The following ABCE1 variants were observed in gnomAD, a reference collection of about 807,000 sequenced individuals.
ABCE1 encodes ATP-binding cassette sub-family E member 1.
In ABCE1, 22 loss-of-function variants were observed where a neutral mutation model predicts 83.4. That is an observed-to-expected ratio of 0.26 (90% CI 0.19 to 0.38). ABCE1 has a LOEUF of 0.38. ABCE1 is among the 10% of genes least tolerant of loss of function. The pLI is 1.00. For synonymous variants in ABCE1, 204 were observed against 233.7 expected (o/e 0.87, Z 1.16); for missense variants, 330 against 721.9 (o/e 0.46, Z 6.22).
chr4:145,121,302 T>A, intron 12 of ABCE1, 31 bp from the exon 13 acceptor site: 1 of 1,612,728 alleles, frequency 6.2e-7, no homozygotes, highest in South Asian at 1.1e-5. Flanking sequence ...TGGGCAGTTT[T>A]TAGTGTCTTA....
intron 9 of ABCE1, among the ~76,000 whole-genome samples, chr4:145,115,502 T>C (rs992574110): frequency 3.0e-4 from 46 of 151,946 alleles, no homozygotes; most frequent in Admixed American, 3.3e-4. Context: ...TCCCTTTTCA[T>C]CTTAGACCTG....
At chr4:145,100,333 G>T (rs1478045985) in intron 1 of ABCE1, among the ~76,000 whole-genome samples, 1 of 152,174 alleles carries the variant, frequency 6.6e-6, no homozygotes, top group Non-Finnish European at 1.5e-5. Context: ...GGACACCATA[G>T]CAAGATCCCT....
At chr4:145,113,290 GC>G (rs1224897805) in intron 9 of ABCE1, among the ~76,000 whole-genome samples, 1 of 152,202 alleles carries the variant, frequency 6.6e-6, no homozygotes, top group Non-Finnish European at 1.5e-5. Context: ...TGTCAAGAAA[GC>G]AAATATCTAT....
intron 3 of ABCE1, among the ~76,000 whole-genome samples, chr4:145,107,500 C>G (rs728674): frequency 6.6e-6 from 1 of 152,098 alleles, no homozygotes; most frequent in Non-Finnish European, 1.5e-5. Flanking sequence ...AACAAAAAAC[C>G]TCAAGTTCTA....
intron 13 of ABCE1, chr4:145,121,609 C>T (rs1411176336): frequency 6.8e-6 from 3 of 442,818 alleles, no homozygotes; most frequent in Non-Finnish European, 1.2e-5. Context: ...TGCAGTAGCT[C>T]ACGCCTGTAA....
chr4:145,110,279 G>C, intron 6 of ABCE1, 39 bp downstream of exon 6: 1 of 1,597,224 alleles, frequency 6.3e-7, no homozygotes. Flanking sequence ...GATATTAGTA[G>C]AAGTATAAAA....
At chr4:145,104,231 T>C (rs1749234206) in intron 1 of ABCE1, among the ~76,000 whole-genome samples, 155 bp from the exon 2 acceptor site, 1 of 152,166 alleles carries the variant, frequency 6.6e-6, no homozygotes. Flanking sequence ...TTATAGATTA[T>C]TTTACAATTT....
chr4:145,126,629 G>A (rs1187449085), intron 17 of ABCE1, among the ~76,000 whole-genome samples: 1 of 152,106 alleles, frequency 6.6e-6, no homozygotes, highest in East Asian at 1.9e-4. Context: ...GTGCCTCAAA[G>A]TGTTTACATT....
chr4:145,107,964 GT>G, intron 3 of ABCE1, 50 bp from the exon 4 acceptor site: 1 of 1,401,752 alleles, frequency 7.1e-7, no homozygotes, highest in Non-Finnish European at 9.9e-7. Context: ...TTAGTTATGT[GT>G]ATATGTCTAC....
chr4:145,104,032 C>T (rs1050467810), intron 1 of ABCE1, among the ~76,000 whole-genome samples: 6 of 151,986 alleles, frequency 3.9e-5, no homozygotes, highest in Non-Finnish European at 5.9e-5. Flanking sequence ...ACTGAGATAG[C>T]ATGTCATTTG....
chr4:145,122,959 A>C (rs1005862012), intron 13 of ABCE1, 62 bp from the exon 14 acceptor site: 8 of 1,175,034 alleles, frequency 6.8e-6, no homozygotes, highest in Non-Finnish European at 9.6e-6. Flanking sequence ...GTCAAGATTC[A>C]TAAATAGAAG....
At chr4:145,112,577 G>A (rs183911482) in intron 9 of ABCE1, among the ~76,000 whole-genome samples, 1 of 152,246 alleles carries the variant, frequency 6.6e-6, no homozygotes, top group East Asian at 1.9e-4. Context: ...TAGCTTTATA[G>A]GAAGCAGACC....
At chr4:145,125,914 G>A (rs1217666479) in intron 17 of ABCE1, among the ~76,000 whole-genome samples, 5 of 151,770 alleles carry the variant, frequency 3.3e-5, no homozygotes, top group Non-Finnish European at 7.4e-5. Context: ...GGTGGCATGC[G>A]CCTGTAATCC....
At chr4:145,114,327 A>G (rs1482902088) in intron 9 of ABCE1, among the ~76,000 whole-genome samples, 1 of 152,172 alleles carries the variant, frequency 6.6e-6, no homozygotes, top group African/African-American at 2.4e-5. Context: ...AAAGGAATAC[A>G]CAAAGTCAGG....
rs1749278779 is a variant in ABCE1 at position 145,105,548 on chromosome 4, G to T, written c.104-57G>T. On this transcript the variant is annotated intron_variant, in intron 2 of 17. Coordinates refer to ENST00000296577, the MANE Select transcript of ABCE1 (RefSeq NM_002940.3). ...GAACCAGCATTGCCTAAATAACAGT[G>T]TTCGGAAAATTAGAAGATCAAAGGA... 1.2e-5 allele frequency: 16 copies of T among 1,308,772 alleles called. 1 individual carries two copies. In the South Asian group the frequency reaches 2.0e-4, roughly 17 times the overall value. 81.1% of individuals were successfully genotyped at this position (1,308,772 alleles called of 1,614,324 possible). A position where few individuals can be genotyped will look rare whatever the true frequency, so the allele number is the denominator to read the frequency against.
At chr4:145,111,115 C>A in intron 8 of ABCE1, 51 bp downstream of exon 8, 2 of 1,220,154 alleles carry the variant, frequency 1.6e-6, no homozygotes, top group Non-Finnish European at 2.4e-6. Flanking sequence ...GTAGAGTTTT[C>A]AGTTGTGATG....
chr4:145,124,971 AT>A lies in ABCE1; in HGVS notation c.1641-8del, dbSNP rs4148246. The A allele has an allele frequency of 0.022, 22,464 of 1,012,936 alleles. 1 individual carries two copies. Among genetic ancestry groups the A allele is most frequent in the South Asian group, 0.028 (1,500 of 53,430 alleles). The allele number at this position is 1,012,936 out of a possible 1,614,324, so 62.7% of individuals were successfully genotyped here. ...CTGAAGTAAAATTTAATCAAAATTGATTTTTTTTTTTCTCTTAGTCCTCAAA... is the reference window on the plus strand; with the variant it reads ...CTGAAGTAAAATTTAATCAAAATTGATTTTTTTTTTCTCTTAGTCCTCAAA... On this transcript the variant is annotated intron_variant, in intron 16 of 17. Coordinates refer to ENST00000296577, the MANE Select transcript of ABCE1 (RefSeq NM_002940.3).
chr4:145,126,143 T>C (rs994589628), intron 17 of ABCE1, among the ~76,000 whole-genome samples: 1 of 152,208 alleles, frequency 6.6e-6, no homozygotes, highest in Non-Finnish European at 1.5e-5. Context: ...ACAATGTTTT[T>C]TGTCTTTGTA....
intron 7 of ABCE1, 163 bp from the exon 8 acceptor site, chr4:145,110,805 A>C: frequency 1.7e-6 from 1 of 578,014 alleles, no homozygotes; most frequent in Non-Finnish European, 3.0e-6. Context: ...TAAGTGATGA[A>C]AGTACACATC....
Sources: allele counts gnomAD v4.1 joint callset (sites outside exome capture counted in the v4.1 genomes callset), GRCh38; gene constraint gnomAD v4.1.1; transcripts MANE v1.5; gene names NCBI Gene and HGNC (gene_info 2026-07-23, HGNC 2026-07-21).